Variants in NRXN1 observed in about 807,000 individuals in gnomAD.
NRXN1 encodes neurexin 1.
In NRXN1, 39 loss-of-function variants were observed where a neutral mutation model predicts 150.9. That is an observed-to-expected ratio of 0.26 (90% CI 0.20 to 0.34). NRXN1 has a LOEUF of 0.34. NRXN1 is among the 10% of genes least tolerant of loss of function. NRXN1 has a pLI of 1.00. For synonymous variants in NRXN1, 924 were observed against 757.0 expected (o/e 1.22, Z -3.62); for missense variants, 1,815 against 1,949.9 (o/e 0.93, Z 1.30).
chr2:50,485,556 C>T (rs186909630), intron 15 of NRXN1, among the ~76,000 whole-genome samples: 14 of 152,270 alleles, frequency 9.2e-5, no homozygotes, highest in East Asian at 7.7e-4. Context: ...TGGAATGGAA[C>T]GGAAATGAGA....
At chr2:50,211,523 T>C (rs1240574084) in intron 18 of NRXN1, among the ~76,000 whole-genome samples, 2 of 151,582 alleles carry the variant, frequency 1.3e-5, no homozygotes, top group Non-Finnish European at 3.0e-5. Context: ...ACAAATATAA[T>C]ATGCCTGTGA....
intron 5 of NRXN1, among the ~76,000 whole-genome samples, chr2:50,843,954 A>T: frequency 6.6e-6 from 1 of 151,776 alleles, no homozygotes; most frequent in Non-Finnish European, 1.5e-5. Flanking sequence ...CAAACTTCCA[A>T]CTGTCAATTT....
At chr2:50,190,231 G>T (rs546784206) in intron 18 of NRXN1, among the ~76,000 whole-genome samples, 86 of 152,218 alleles carry the variant, frequency 5.6e-4, no homozygotes, top group East Asian at 2.3e-3. Flanking sequence ...AAAAGAGTAA[G>T]AATATATTTC....
intron 17 of NRXN1, among the ~76,000 whole-genome samples, chr2:50,302,187 T>A (rs2074215715): frequency 6.6e-6 from 1 of 152,204 alleles, no homozygotes; most frequent in Admixed American, 6.5e-5. Flanking sequence ...ATTAGGGCCA[T>A]CTCTTTGAGA....
In NRXN1 at chr2:50,612,451, T is replaced by C. The variant is rs914191878; in HGVS notation, c.1320+7571A>G. Among the ~76,000 whole-genome samples the C allele has an allele frequency of 4.6e-5, 7 of 152,198 alleles. No homozygotes were observed. The South Asian group carries it at 1.0e-3, about 22-fold the overall frequency. On this transcript the variant is annotated intron_variant, in intron 8 of 22. Coordinates refer to ENST00000401669, the MANE Select transcript of NRXN1 (RefSeq NM_001330078.2). Reference sequence around the variant, plus strand: ...CAAGTATCAAATTATTTCACACAGTTTCATGGATTTGTTTTTGCAAAGTTG... The same window carrying C: ...CAAGTATCAAATTATTTCACACAGTCTCATGGATTTGTTTTTGCAAAGTTG...
chr2:49,988,358 C>A (rs1681302074), intron 21 of NRXN1, among the ~76,000 whole-genome samples: 1 of 151,166 alleles, frequency 6.6e-6, no homozygotes, highest in Non-Finnish European at 1.5e-5. Context: ...CTCTTTCCTG[C>A]TAAAATCTGG....
intron 18 of NRXN1, among the ~76,000 whole-genome samples, chr2:50,221,020 G>A (rs1345258154): frequency 6.6e-6 from 1 of 151,982 alleles, no homozygotes; most frequent in African/African-American, 2.4e-5. Flanking sequence ...TGTCCATATT[G>A]CAGAGCATCC....
At chr2:50,557,652 G>C (rs1447794439) in intron 8 of NRXN1, among the ~76,000 whole-genome samples, 1 of 152,106 alleles carries the variant, frequency 6.6e-6, no homozygotes, top group Non-Finnish European at 1.5e-5. Context: ...TTGTATTTTA[G>C]TTAAAGTGCT....
chr2:49,925,965 G>A lies in NRXN1; in HGVS notation c.4217-3714C>T, dbSNP rs1009683106. ...GACGTGTAGGTAAAATTAAGCCGAT[G>A]TAGCCAGTTCATTATATTGGGCCCA... On this transcript the variant is annotated intron_variant, in intron 22 of 22. Transcript: ENST00000401669. Among the ~76,000 whole-genome samples the A allele has an allele frequency of 2.6e-5, 4 of 152,286 alleles. No homozygotes were observed. The East Asian group carries it at 7.7e-4, about 29-fold the overall frequency.
At chr2:50,173,631 T>A (rs897331489) in intron 18 of NRXN1, among the ~76,000 whole-genome samples, 7 of 152,214 alleles carry the variant, frequency 4.6e-5, no homozygotes, top group African/African-American at 1.4e-4. Context: ...TCTACATGCA[T>A]AACGAGCCCA....
chr2:50,187,060 A>G (rs2061122218), intron 18 of NRXN1, among the ~76,000 whole-genome samples: 1 of 152,054 alleles, frequency 6.6e-6, no homozygotes, highest in Non-Finnish European at 1.5e-5. Context: ...ACATAAAATC[A>G]TAGTTAATAA....
At chr2:50,592,320 G>T (rs1016706169) in intron 8 of NRXN1, among the ~76,000 whole-genome samples, 1 of 152,224 alleles carries the variant, frequency 6.6e-6, no homozygotes, top group Non-Finnish European at 1.5e-5. Context: ...TGACACCAGA[G>T]TGATCTAAAC....
At chr2:50,239,047 A>T (rs1200873626) in intron 17 of NRXN1, among the ~76,000 whole-genome samples, 1 of 131,040 alleles carries the variant, frequency 7.6e-6, no homozygotes, top group East Asian at 2.3e-4. Flanking sequence ...GTAGATCAGA[A>T]ATCCCAGGGC....
intron 17 of NRXN1, among the ~76,000 whole-genome samples, chr2:50,345,806 C>CGGGCT (rs1186207260): frequency 6.6e-6 from 1 of 152,192 alleles, no homozygotes; most frequent in Admixed American, 6.5e-5. Flanking sequence ...GGCAGACCTC[C>CGGGCT]GGGCTTAGCC....
chr2:50,502,393 T>C (rs1297641711), intron 13 of NRXN1, among the ~76,000 whole-genome samples: 3 of 152,098 alleles, frequency 2.0e-5, no homozygotes, highest in Admixed American at 1.3e-4. Context: ...AGAACTACTA[T>C]AACTGCCCTA....
At chr2:50,418,952 A>C (rs758824364) in intron 17 of NRXN1, among the ~76,000 whole-genome samples, 11 of 152,060 alleles carry the variant, frequency 7.2e-5, no homozygotes, top group Non-Finnish European at 1.6e-4. Flanking sequence ...TTTATCATTT[A>C]AATCATATTT....
intron 5 of NRXN1, among the ~76,000 whole-genome samples, chr2:50,763,398 G>T (rs144077665): frequency 2.3e-3 from 357 of 151,932 alleles, no homozygotes; most frequent in African/African-American, 8.3e-3. Context: ...TATTCTACTG[G>T]TTTATATGGT....
intron 17 of NRXN1, among the ~76,000 whole-genome samples, chr2:50,258,642 A>G (rs866335370): frequency 6.6e-6 from 1 of 152,028 alleles, no homozygotes; most frequent in African/African-American, 2.4e-5. Context: ...GATGTTCTTA[A>G]TGGCATCTAG....
At chr2:50,963,718 A>G (rs1230883866) in intron 2 of NRXN1, among the ~76,000 whole-genome samples, 5 of 151,646 alleles carry the variant, frequency 3.3e-5, no homozygotes, top group Non-Finnish European at 7.4e-5. Flanking sequence ...CAGAGTGACT[A>G]ACTGATAGTG....
Sources: gnomAD v4.1 joint callset for allele counts (sites outside exome capture counted in the v4.1 genomes callset) on GRCh38, gnomAD v4.1.1 for gene constraint, MANE v1.5 for transcripts, NCBI Gene and HGNC (gene_info 2026-07-23, HGNC 2026-07-21) for gene names.